The following EFCAB3 variants were observed in gnomAD, a reference collection of about 807,000 sequenced individuals.
EFCAB3 encodes the protein EF-hand calcium binding domain 3.
Under a neutral mutation model 42.2 loss-of-function variants are expected in EFCAB3, and 36 were observed. The ratio of observed to expected loss-of-function variants is 0.85; its 90% CI spans 0.65 to 1.13. The LOEUF (loss-of-function observed/expected upper bound fraction) is 1.13. EFCAB3 is among the 50% of genes most tolerant of loss of function. The pLI is 0.00. For missense variants in EFCAB3, 418 were observed against 505.1 expected (o/e 0.83, Z 1.65); for synonymous variants, 170 against 172.8 (o/e 0.98, Z 0.13).
intron 7 of EFCAB3, 65 bp downstream of exon 7, chr17:62,406,738 G>A: frequency 6.5e-7 from 1 of 1,549,474 alleles, no homozygotes; most frequent in Non-Finnish European, 8.8e-7. Flanking sequence ...TGGTCAGAAA[G>A]AAGTACTAGA....
At chr17:62,415,644 C>A (rs1253897504) in intron 9 of EFCAB3, among the ~76,000 whole-genome samples, 1 of 152,110 alleles carries the variant, frequency 6.6e-6, no homozygotes, top group Non-Finnish European at 1.5e-5. Flanking sequence ...TCCTTGAGGA[C>A]CTACTCAGCT....
rs762926000 is a variant in EFCAB3 at position 62,416,122 on chromosome 17, C to T, written c.1110C>T (p.Ser370=). ...TTGGGATGGACTCTAGAAATGAGTC[C>T]TTTTATGACACCTTTTCTACTTATA... ...DLIGMDSRNE[S]FYDTFSTYTW... is the part of the protein sequence containing the mutation. Residue 370 remains serine, a synonymous_variant, in exon 10 of 10, where the codon TCC becomes TCT. Transcript: ENST00000305286. 6 of 1,613,960 alleles carry T rather than the reference C, an allele frequency of 3.7e-6. No individual in the cohort carries two copies. The highest frequency in any genetic ancestry group is 5.1e-6 in the Non-Finnish European group (6 of 1,179,868).
At chr17:62,387,551 C>A (rs1301485620) in intron 3 of EFCAB3, 135 bp downstream of exon 3, 2 of 685,712 alleles carry the variant, frequency 2.9e-6, no homozygotes, top group Non-Finnish European at 4.5e-6. Context: ...AAAAACCTTA[C>A]ATTTTTGTGG....
intron 7 of EFCAB3, 30 bp from the exon 8 acceptor site, chr17:62,406,998 G>A (rs1300981111): frequency 1.3e-6 from 2 of 1,558,014 alleles, no homozygotes; most frequent in South Asian, 1.2e-5. Flanking sequence ...TACATTGTTT[G>A]TGATACCATT....
At position 62,393,145 on chromosome 17, in the gene EFCAB3, A is replaced by G. The variant is rs567695331; in HGVS notation, c.296-428A>G. The stretch of plus-strand genomic sequence containing the variant: ...ACTAACTGTGTCAAAATTTTCTATT[A>G]TTTCATGGAAACATACACATACCCC... On this transcript the variant is annotated intron_variant, in intron 4 of 9. Transcript: ENST00000305286. Among the ~76,000 whole-genome samples the G allele has an allele frequency of 5.9e-5, 9 of 152,286 alleles. No individual in the cohort carries two copies. The East Asian group carries it at 1.7e-3, about 29-fold the overall frequency.
At chr17:62,401,212 C>A (rs1567726385) in intron 6 of EFCAB3, among the ~76,000 whole-genome samples, 1 of 152,140 alleles carries the variant, frequency 6.6e-6, no homozygotes, top group African/African-American at 2.4e-5. Context: ...GGGTAGATTG[C>A]AAAAATTTTC....
intron 2 of EFCAB3, among the ~76,000 whole-genome samples, chr17:62,386,068 T>G (rs1056181600): frequency 6.6e-6 from 1 of 152,016 alleles, no homozygotes; most frequent in Non-Finnish European, 1.5e-5. Flanking sequence ...GCCACAAAAC[T>G]ATGAGATTTC....
intron 3 of EFCAB3, among the ~76,000 whole-genome samples, chr17:62,388,950 TG>T (rs1240093249): frequency 1.3e-5 from 2 of 152,190 alleles, no homozygotes; most frequent in Non-Finnish European, 2.9e-5. Context: ...TCAGATATGG[TG>T]AGACAGGCAG....
chr17:62,397,636 G>A, intron 6 of EFCAB3: 1 of 601,584 alleles, frequency 1.7e-6, no homozygotes, highest in Admixed American at 2.0e-5. Flanking sequence ...AGCTGATCAA[G>A]AATAGCAAGA....
chr17:62,410,231 C>G (rs965400333), intron 8 of EFCAB3, among the ~76,000 whole-genome samples: 29 of 147,080 alleles, frequency 2.0e-4, no homozygotes, highest in Non-Finnish European at 4.1e-4. Context: ...TCATTAGAAC[C>G]AAGAAATAGG....
intron 5 of EFCAB3, among the ~76,000 whole-genome samples, chr17:62,394,283 GCA>G (rs1490637329): frequency 6.6e-6 from 1 of 152,166 alleles, no homozygotes; most frequent in Admixed American, 6.5e-5. Context: ...CCAAGTGTAT[GCA>G]GTACTTTGGG....
At chr17:62,390,906 A>G (rs1418889500) in intron 3 of EFCAB3, among the ~76,000 whole-genome samples, 5 of 152,200 alleles carry the variant, frequency 3.3e-5, no homozygotes, top group African/African-American at 1.2e-4. Context: ...GTCATTCTCT[A>G]ATTTCAGAAA....
intron 6 of EFCAB3, among the ~76,000 whole-genome samples, chr17:62,402,202 G>A (rs912085318): frequency 3.9e-5 from 6 of 152,100 alleles, no homozygotes; most frequent in African/African-American, 1.2e-4. Flanking sequence ...GAGACGATGG[G>A]GTTTTCTAAA....
At chr17:62,378,838 G>A (rs1448127293), upstream of EFCAB3, among the ~76,000 whole-genome samples, 6 of 151,970 alleles carry the variant, frequency 3.9e-5, no homozygotes, top group East Asian at 1.9e-4. Context: ...ACAGGTTGAT[G>A]GGTGCAGCAA....
chr17:62,413,712 T>C lies in EFCAB3; in HGVS notation c.868-20T>C, dbSNP rs181115138. The C allele has an allele frequency of 1.1e-4, 165 of 1,563,428 alleles. No individual in the cohort carries two copies. The African/African-American group carries it at 2.2e-3, about 21-fold the overall frequency. On this transcript the variant is annotated intron_variant, in intron 8 of 9. Coordinates refer to ENST00000305286, the MANE Select transcript of EFCAB3 (RefSeq NM_173503.4). ...AAATTAAAATGTATTACTAACCTTC[T>C]TTTTTAAATATGCATAAAGGCAGCA...
chr17:62,394,978 ATAT>A, intron 5 of EFCAB3, 87 bp from the exon 6 acceptor site: 2 of 1,500,386 alleles, frequency 1.3e-6, no homozygotes, highest in Non-Finnish European at 1.8e-6. Flanking sequence ...TCCTGACTTG[ATAT>A]TATTATTGTA....
intron 2 of EFCAB3, among the ~76,000 whole-genome samples, chr17:62,384,518 G>A (rs1161932025): frequency 6.6e-6 from 1 of 152,156 alleles, no homozygotes; most frequent in Non-Finnish European, 1.5e-5. Context: ...AAGGGGCTGA[G>A]GTGGGAGGAT....
chr17:62,399,159 C>T (rs979417162), intron 6 of EFCAB3, among the ~76,000 whole-genome samples: 2 of 150,954 alleles, frequency 1.3e-5, no homozygotes, highest in South Asian at 2.1e-4. Context: ...TCAAAACCCT[C>T]CCATTTCCCT....
intron 2 of EFCAB3, among the ~76,000 whole-genome samples, chr17:62,374,448 G>C (rs2070135652): frequency 6.6e-6 from 1 of 152,102 alleles, no homozygotes. Flanking sequence ...GCAACATAGA[G>C]AGACTCCATC....
Sources: gnomAD v4.1 joint callset for allele counts (sites outside exome capture counted in the v4.1 genomes callset) on GRCh38, gnomAD v4.1.1 for gene constraint, MANE v1.5 for transcripts, NCBI Gene and HGNC (gene_info 2026-07-23, HGNC 2026-07-21) for gene names.